RP1: variants seen among roughly 807,000 people sequenced by gnomAD.
RP1 encodes the protein RP1 axonemal microtubule associated.
A neutral mutation model predicts 14.8 loss-of-function variants in RP1; 16 were observed. The observed-to-expected ratio is 1.08, with a 90% CI of 0.73 to 1.65. The LOEUF (loss-of-function observed/expected upper bound fraction) is 1.65, where lower values mean the gene tolerates loss of function less well. Among genes scored for constraint, RP1 ranks in the 40% most tolerant of loss-of-function variants. The pLI is 0.00. For missense variants in RP1, 2,631 were observed against 2,535.0 expected (o/e 1.04, Z -0.81); for synonymous variants, 876 against 883.6 (o/e 0.99, Z 0.15).
At chr8:54,716,191 A>G (rs1585631262) in intron 15 of RP1, among the ~76,000 whole-genome samples, 1 of 152,270 alleles carries the variant, frequency 6.6e-6, no homozygotes, top group African/African-American at 2.4e-5. Flanking sequence ...TTTGGCTGAA[A>G]AGCCCATAAT....
At chr8:54,561,511 C>T (rs952378899) in intron 1 of RP1, among the ~76,000 whole-genome samples, 2 of 64,958 alleles carry the variant, frequency 3.1e-5, no homozygotes, top group Non-Finnish European at 8.5e-5. Context: ...AAGACCTGGG[C>T]ATTACCATGG....
chr8:54,773,557 A>G (rs2129376249), downstream of RP1, among the ~76,000 whole-genome samples: 1 of 152,182 alleles, frequency 6.6e-6, no homozygotes, highest in East Asian at 1.9e-4. Flanking sequence ...TAATTGCTTG[A>G]ACCCAGGTGG....
At chr8:54,603,343 G>C (rs1209239047) in intron 1 of RP1, among the ~76,000 whole-genome samples, 1 of 152,010 alleles carries the variant, frequency 6.6e-6, no homozygotes, top group Non-Finnish European at 1.5e-5. Context: ...AGATCAGATG[G>C]TTGTAGATAT....
At chr8:54,720,080 T>C in intron 15 of RP1, 1 of 1,346,716 alleles carries the variant, frequency 7.4e-7, no homozygotes, top group South Asian at 1.5e-5. Flanking sequence ...TTAAATTCTG[T>C]CTTTTAGGAC....
chr8:54,651,157 A>G (rs1318008534), intron 4 of RP1, among the ~76,000 whole-genome samples: 1 of 152,132 alleles, frequency 6.6e-6, no homozygotes, highest in African/African-American at 2.4e-5. Context: ...CTAGTTTATT[A>G]TAACGTATAA....
intron 8 of RP1, among the ~76,000 whole-genome samples, chr8:54,674,277 T>C (rs762352335): frequency 6.6e-6 from 1 of 152,118 alleles, no homozygotes; most frequent in Non-Finnish European, 1.5e-5. Context: ...CTGGTGGTGA[T>C]ATTCCTTGAA....
chr8:54,563,759 G>A (rs1804339927), intron 1 of RP1, among the ~76,000 whole-genome samples: 1 of 151,934 alleles, frequency 6.6e-6, no homozygotes, highest in South Asian at 2.1e-4. Flanking sequence ...ATGTAGCTTA[G>A]GGTGGTCTCA....
At chr8:54,846,734 G>A (rs769606585) in intron 25 of RP1, among the ~76,000 whole-genome samples, 25 of 151,922 alleles carry the variant, frequency 1.6e-4, no homozygotes, top group Non-Finnish European at 3.4e-4. Context: ...TACTCCATAC[G>A]GATACCTTAG....
chr8:54,795,922 C>T (rs1408218232), intron 24 of RP1, among the ~76,000 whole-genome samples: 1 of 152,198 alleles, frequency 6.6e-6, no homozygotes, highest in African/African-American at 2.4e-5. Context: ...CTTCAAAGTA[C>T]TAACCCATAC....
At chr8:54,562,985 G>A (rs936112962) in intron 1 of RP1, among the ~76,000 whole-genome samples, 1 of 152,032 alleles carries the variant, frequency 6.6e-6, no homozygotes, top group African/African-American at 2.4e-5. Context: ...CCTTTACTGA[G>A]GCCCCTGGTA....
intron 24 of RP1, among the ~76,000 whole-genome samples, chr8:54,811,090 T>C (rs1791112843): frequency 6.6e-6 from 1 of 152,226 alleles, no homozygotes; most frequent in Admixed American, 6.5e-5. Flanking sequence ...TCATCTTTGC[T>C]TATTTTAAAA....
At chr8:54,827,165 A>G (rs978917743) in intron 24 of RP1, among the ~76,000 whole-genome samples, 2 of 150,540 alleles carry the variant, frequency 1.3e-5, no homozygotes, top group African/African-American at 4.9e-5. Flanking sequence ...CTGTACACCA[A>G]TTTATGTAAA....
chr8:54,785,410 A>AAATGGATACTGTACCAGATGGATAC (rs1482027944), intron 24 of RP1, among the ~76,000 whole-genome samples: 1 of 149,560 alleles, frequency 6.7e-6, no homozygotes, highest in African/African-American at 2.6e-5. Flanking sequence ...TTATTTATCC[A>AAATGGATACTGTACCAGATGGATAC]TTTACCAGTT....
rs778634238 is a variant in RP1 at position 54,608,084 on chromosome 8, G to A, written c.-12-12871G>A. Among the ~76,000 whole-genome samples the A allele has an allele frequency of 3.9e-4, 60 of 151,984 alleles. No individual in the cohort carries two copies. The Middle Eastern group carries it at 0.01, about 26-fold the overall frequency. Reference sequence around the variant, plus strand: ...ACTGTCTGACACTCCCCAGTGATATGAACCCGGTACCTCAGTTGGAAATGC... The same window carrying A: ...ACTGTCTGACACTCCCCAGTGATATAAACCCGGTACCTCAGTTGGAAATGC... On this transcript the variant is annotated intron_variant, in intron 1 of 22. Coordinates refer to the RP1 transcript ENST00000636932.
At chr8:54,778,835 G>T (rs1171068383) in intron 23 of RP1, among the ~76,000 whole-genome samples, 1 of 152,076 alleles carries the variant, frequency 6.6e-6, no homozygotes, top group Non-Finnish European at 1.5e-5. Context: ...TTGGAGGTGG[G>T]TGTTATGGGC....
chr8:54,850,374 C>A (rs971076694), intron 25 of RP1, among the ~76,000 whole-genome samples: 1 of 152,194 alleles, frequency 6.6e-6, no homozygotes, highest in Admixed American at 6.5e-5. Context: ...TCTCTTCTTA[C>A]ATATTTTAGA....
At chr8:54,858,166 G>A (rs1045156969) in intron 27 of RP1, among the ~76,000 whole-genome samples, 3 of 152,154 alleles carry the variant, frequency 2.0e-5, no homozygotes, top group African/African-American at 7.2e-5. Context: ...AATGGGAAGA[G>A]CTTAAAGTGG....
At chr8:54,728,588 G>C (rs1038106651) in intron 17 of RP1, among the ~76,000 whole-genome samples, 1 of 152,030 alleles carries the variant, frequency 6.6e-6, no homozygotes, top group African/African-American at 2.4e-5. Flanking sequence ...TATTTATTAA[G>C]AAGAAAGATG....
chr8:54,582,649 T>C (rs1804824131), intron 1 of RP1, among the ~76,000 whole-genome samples: 1 of 152,192 alleles, frequency 6.6e-6, no homozygotes. Flanking sequence ...GGAATGTTCT[T>C]CCATTTGTTT....
Sources: gnomAD v4.1 joint callset for allele counts (sites outside exome capture counted in the v4.1 genomes callset) on GRCh38, gnomAD v4.1.1 for gene constraint, MANE v1.5 for transcripts, NCBI Gene and HGNC (gene_info 2026-07-23, HGNC 2026-07-21) for gene names.